PCDHA2: variants seen among roughly 807,000 people sequenced by gnomAD.
PCDHA2 encodes the protein protocadherin alpha 2, also known as protocadherin alpha-2.
Under a neutral mutation model 66.0 loss-of-function variants are expected in PCDHA2, and 58 were observed. The observed-to-expected ratio is 0.88, with a 90% CI of 0.71 to 1.09. The LOEUF is 1.09. Among genes scored for constraint, PCDHA2 ranks in the 50% least tolerant of loss-of-function variants. PCDHA2 has a pLI of 0.00. For missense variants in PCDHA2, 1,267 were observed against 1,242.3 expected, an observed-to-expected ratio of 1.02 and a Z score of -0.30; for synonymous variants, 634 against 554.0, an observed-to-expected ratio of 1.14 and a Z score of -2.03.
At chr5:140,814,785 GTTGTTATACAA>G (rs1765589219) in intron 1 of PCDHA2, 1 of 152,126 alleles carries the variant, frequency 6.6e-6, no homozygotes, top group Non-Finnish European at 1.5e-5. Context: ...TGGTTGAAAC[GTTGTTATACAA>G]CACTTGACTT....
intron 1 of PCDHA2, among the ~76,000 whole-genome samples, chr5:140,833,272 CTTAT>C (rs1464609454): frequency 1.3e-5 from 2 of 152,102 alleles, no homozygotes; most frequent in Non-Finnish European, 2.9e-5. Flanking sequence ...ATTATAAAAA[CTTAT>C]TTAGGAAAGC....
intron 3 of PCDHA2, among the ~76,000 whole-genome samples, chr5:140,999,763 T>C (rs1475737646): frequency 2.0e-5 from 3 of 152,200 alleles, no homozygotes; most frequent in African/African-American, 7.2e-5. Flanking sequence ...ACATGATGTC[T>C]TTATACTCTT....
intron 1 of PCDHA2, chr5:140,836,357 G>C: frequency 3.7e-6 from 6 of 1,613,654 alleles, no homozygotes; most frequent in Non-Finnish European, 5.1e-6. Context: ...GGGAGCCCTC[G>C]CTGACAGCCA....
intron 3 of PCDHA2, among the ~76,000 whole-genome samples, chr5:140,998,621 A>G (rs1167341355): frequency 5.3e-5 from 8 of 151,758 alleles, no homozygotes; most frequent in Admixed American, 3.9e-4. Context: ...CTGGAGTGCA[A>G]TGGCACAATC....
rs202126810 is a variant in PCDHA2 at position 140,842,731 on chromosome 5, G to T, written c.2388+45379G>T. ...TGTTCGTGAAGGAGAACAACCCGCC[G>T]GGCTGCCACATCTTCACGGTGTCTG... On this transcript the variant is annotated intron_variant, in intron 1 of 3. Transcript: ENST00000526136. 3.1e-5 allele frequency: 49 copies of T among 1,594,938 alleles called. 4 individuals are homozygous for T. Among genetic ancestry groups the T allele is most frequent in the Non-Finnish European group, 4.1e-5 (48 of 1,165,464 alleles).
intron 1 of PCDHA2, among the ~76,000 whole-genome samples, chr5:140,925,996 T>C (rs2082856637): frequency 6.6e-6 from 1 of 152,190 alleles, no homozygotes; most frequent in Non-Finnish European, 1.5e-5. Context: ...CTGGCTCCGC[T>C]GCCTCGAAAA....
intron 3 of PCDHA2, among the ~76,000 whole-genome samples, chr5:140,984,356 A>G (rs556586072): frequency 1.3e-5 from 2 of 152,362 alleles, no homozygotes; most frequent in African/African-American, 4.8e-5. Flanking sequence ...GATATTTCAT[A>G]CATCTGGCCA....
intron 1 of PCDHA2, among the ~76,000 whole-genome samples, chr5:140,973,020 T>A (rs1057155557): frequency 6.6e-6 from 1 of 152,120 alleles, no homozygotes; most frequent in Non-Finnish European, 1.5e-5. Flanking sequence ...TTGTGATTGT[T>A]AATGAGTCAC....
At chr5:140,967,699 T>C (rs781874469) in intron 1 of PCDHA2, 9 of 1,614,154 alleles carry the variant, frequency 5.6e-6, no homozygotes, top group Non-Finnish European at 7.6e-6. Context: ...TCAGCATAGA[T>C]GCCAGTACCG....
chr5:140,933,646 A>G (rs1459396156), intron 1 of PCDHA2, among the ~76,000 whole-genome samples: 16 of 152,120 alleles, frequency 1.1e-4, no homozygotes, highest in African/African-American at 3.9e-4. Flanking sequence ...AACAAGTTGG[A>G]AATCCTGTCT....
Position 140,795,975 on chromosome 5 carries a change from A to C in PCDHA2, c.1011A>C (p.Ser337=). The change falls in exon 1 of 4, where the codon TCA becomes TCC. Residue 337 remains serine, a synonymous_variant. Transcript: ENST00000526136. The part of the protein sequence containing the change: ...TPSMSGHCKI[S]LKLVDINDNT... ...CAATGTCAGGACATTGTAAAATTTCATTAAAACTTGTGGACATCAATGATA... is the reference window on the plus strand; with the variant it reads ...CAATGTCAGGACATTGTAAAATTTCCTTAAAACTTGTGGACATCAATGATA... The C allele has an allele frequency of 6.2e-7, 1 of 1,614,160 alleles. No homozygotes were observed.
chr5:140,807,797 G>C, intron 1 of PCDHA2: 1 of 1,614,150 alleles, frequency 6.2e-7, no homozygotes, highest in Non-Finnish European at 8.5e-7. Context: ...AGACAGAGAA[G>C]AAGCTCCGGA....
At chr5:140,889,339 G>A (rs1554183871) in intron 1 of PCDHA2, among the ~76,000 whole-genome samples, 1 of 151,948 alleles carries the variant, frequency 6.6e-6, no homozygotes, top group Admixed American at 6.6e-5. Flanking sequence ...TTTGATTGGT[G>A]GGAATATTTC....
chr5:140,930,768 C>G (rs1049798577), intron 1 of PCDHA2, among the ~76,000 whole-genome samples: 2 of 152,094 alleles, frequency 1.3e-5, no homozygotes, highest in South Asian at 2.1e-4. Context: ...ATTTTCTGTA[C>G]TTAATATTTT....
At chr5:140,877,284 C>T (rs1318334277) in intron 1 of PCDHA2, 3 of 1,613,900 alleles carry the variant, frequency 1.9e-6, no homozygotes, top group Non-Finnish European at 2.5e-6. Context: ...CCGGCTATAA[C>T]GCTTGGCTGT....
intron 1 of PCDHA2, among the ~76,000 whole-genome samples, chr5:140,961,629 A>G (rs970820292): frequency 6.6e-6 from 1 of 152,162 alleles, no homozygotes; most frequent in Non-Finnish European, 1.5e-5. Flanking sequence ...CATATGAAAA[A>G]CAATCTTAAG....
At chr5:140,882,698 G>T in intron 1 of PCDHA2, 1 of 1,614,200 alleles carries the variant, frequency 6.2e-7, no homozygotes, top group Non-Finnish European at 8.5e-7. Context: ...AATCATTGCA[G>T]AATCTAGACC....
chr5:140,832,249 G>A (rs1268506433), intron 1 of PCDHA2, among the ~76,000 whole-genome samples: 1 of 152,168 alleles, frequency 6.6e-6, no homozygotes, highest in Non-Finnish European at 1.5e-5. Context: ...TGTTGTCCAT[G>A]TTCCCAGGAA....
intron 1 of PCDHA2, among the ~76,000 whole-genome samples, chr5:140,949,378 A>G (rs2094372256): frequency 6.6e-6 from 1 of 151,852 alleles, no homozygotes; most frequent in South Asian, 2.1e-4. Flanking sequence ...TGTCCTATCA[A>G]TTGCTCAGAG....
Sources: allele counts gnomAD v4.1 joint callset (sites outside exome capture counted in the v4.1 genomes callset), GRCh38; gene constraint gnomAD v4.1.1; transcripts MANE v1.5; gene names NCBI Gene and HGNC (gene_info 2026-07-23, HGNC 2026-07-21).